AGXT2: variants seen among roughly 807,000 people sequenced by gnomAD.
AGXT2 encodes the protein alanine--glyoxylate aminotransferase 2.
In AGXT2, 61 loss-of-function variants were observed where a neutral mutation model predicts 62.5. That is an observed-to-expected ratio of 0.98 (90% confidence interval 0.79 to 1.21). The LOEUF is 1.21. AGXT2 is among the 50% of genes most tolerant of loss of function. AGXT2 has a pLI of 0.00. For missense variants in AGXT2, 666 were observed against 641.5 expected (o/e 1.04, Z -0.41); for synonymous variants, 243 against 218.7 (o/e 1.11, Z -0.98).
intron 7 of AGXT2, among the ~76,000 whole-genome samples, chr5:35,030,318 G>A (rs907696627): frequency 3.9e-5 from 6 of 152,194 alleles, no homozygotes; most frequent in Non-Finnish European, 8.8e-5. Flanking sequence ...GACCAGCCTG[G>A]CCAACATGGT....
At chr5:35,023,166 AAAAAAAAAAAG>A (rs1767179486) in intron 9 of AGXT2, among the ~76,000 whole-genome samples, 3 of 37,332 alleles carry the variant, frequency 8.0e-5, no homozygotes, top group Non-Finnish European at 4.5e-4. Context: ...TGGCAGATGT[AAAAAAAAAAAG>A]AAAAAAGAAA....
At chr5:35,027,810 G>T (rs1767415946) in intron 7 of AGXT2, among the ~76,000 whole-genome samples, 1 of 149,700 alleles carries the variant, frequency 6.7e-6, no homozygotes. Flanking sequence ...ATGAGCTTGA[G>T]GAAGTGAGCG....
chr5:35,000,341 C>A (rs1231562951), intron 13 of AGXT2, among the ~76,000 whole-genome samples: 1 of 152,100 alleles, frequency 6.6e-6, no homozygotes, highest in African/African-American at 2.4e-5. Context: ...TCTACCTGGG[C>A]AGCTTTTTCC....
At chr5:35,046,498 C>T (rs1329635845) in intron 1 of AGXT2, among the ~76,000 whole-genome samples, 10 of 152,158 alleles carry the variant, frequency 6.6e-5, no homozygotes, top group Admixed American at 6.6e-4. Context: ...GGCTTTGAAT[C>T]CCAAGTTATC....
chr5:34,999,758 C>T (rs932724048), intron 13 of AGXT2, among the ~76,000 whole-genome samples: 21 of 152,168 alleles, frequency 1.4e-4, no homozygotes, highest in Admixed American at 4.6e-4. Context: ...GAAGCTGCCA[C>T]GCAAGACAAA....
chr5:35,041,012 CCT>C (rs1579514360), intron 1 of AGXT2, among the ~76,000 whole-genome samples: 2 of 151,852 alleles, frequency 1.3e-5, no homozygotes, highest in East Asian at 3.9e-4. Flanking sequence ...GAGTCCATCC[CCT>C]GTTAATAGAG....
chr5:35,039,258 C>A, intron 3 of AGXT2, 66 bp downstream of exon 3: 1 of 1,537,940 alleles, frequency 6.5e-7, no homozygotes, highest in South Asian at 1.1e-5. Context: ...AGTTCAGAGT[C>A]ACTAACATAA....
intron 13 of AGXT2, among the ~76,000 whole-genome samples, chr5:34,999,566 C>T (rs1002653082): frequency 2.0e-5 from 3 of 152,160 alleles, no homozygotes; most frequent in African/African-American, 7.2e-5. Flanking sequence ...CACAGCTAGG[C>T]TGAGTGATGC....
At chr5:35,000,761 T>A (rs925677421) in intron 13 of AGXT2, among the ~76,000 whole-genome samples, 1 of 152,250 alleles carries the variant, frequency 6.6e-6, no homozygotes, top group Admixed American at 6.5e-5. Context: ...TTAGACTTCC[T>A]GGGAGATTTC....
intron 9 of AGXT2, among the ~76,000 whole-genome samples, chr5:35,024,153 A>C (rs180762): frequency 0.45 from 69,081 of 151,950 alleles, 16,077 homozygotes; most frequent in African/African-American, 0.53. Context: ...TCAGCATCCC[A>C]AAGTGCTGGG....
chr5:35,022,382 A>C (rs1398247742), intron 9 of AGXT2, among the ~76,000 whole-genome samples: 1 of 152,146 alleles, frequency 6.6e-6, no homozygotes, highest in East Asian at 1.9e-4. Flanking sequence ...ACCATGGAAT[A>C]CTATGCAGCC....
chr5:35,002,072 A>G (rs1766246209), intron 13 of AGXT2, among the ~76,000 whole-genome samples: 1 of 152,150 alleles, frequency 6.6e-6, no homozygotes, highest in African/African-American at 2.4e-5. Context: ...GCACATAACA[A>G]ATTTTGCCAA....
intron 12 of AGXT2, 111 bp downstream of exon 12, chr5:35,009,889 G>T: frequency 7.0e-7 from 1 of 1,435,104 alleles, no homozygotes; most frequent in Non-Finnish European, 9.7e-7. Context: ...CTGAAATCTT[G>T]CTGTTTGTGT....
At chr5:35,028,242 T>C (rs1767433097) in intron 7 of AGXT2, among the ~76,000 whole-genome samples, 2 of 152,312 alleles carry the variant, frequency 1.3e-5, no homozygotes, top group South Asian at 4.1e-4. Context: ...CATTTCATTT[T>C]ATCCAGGATT....
rs537993203 is a variant in AGXT2 at position 35,003,644 on chromosome 5, T to C, written c.1437+119A>G. On this transcript the variant is annotated intron_variant, in intron 13 of 13. Transcript: ENST00000231420. ...GTGGCTGGGTACCTCGGCACAGTTGTGTAAAAACTGCAACCAGCATTAGGA... is the reference window on the plus strand; with the variant it reads ...GTGGCTGGGTACCTCGGCACAGTTGCGTAAAAACTGCAACCAGCATTAGGA... 2.2e-5 allele frequency: 22 copies of C among 980,832 alleles called. No individual in the cohort carries two copies. The South Asian group carries it at 2.9e-4, about 13-fold the overall frequency. The allele number at this position is 980,832 out of a possible 1,614,324, so 60.8% of individuals were successfully genotyped here. A position where few individuals can be genotyped will look rare whatever the true frequency, so the allele number is the denominator to read the frequency against.
chr5:35,039,568 A>G (rs1767905794), intron 2 of AGXT2, 60 bp from the exon 3 acceptor site: 2 of 1,565,250 alleles, frequency 1.3e-6, no homozygotes, highest in Admixed American at 3.4e-5. Flanking sequence ...CAGTCAATCT[A>G]TGAGTAACAG....
chr5:35,017,964 A>G (rs1419791390), intron 9 of AGXT2, among the ~76,000 whole-genome samples: 1 of 152,340 alleles, frequency 6.6e-6, no homozygotes, highest in East Asian at 1.9e-4. Flanking sequence ...ACTGGAAGAA[A>G]GGGTATCAGC....
intron 9 of AGXT2, among the ~76,000 whole-genome samples, chr5:35,017,705 G>A (rs925470652): frequency 6.6e-6 from 1 of 152,300 alleles, no homozygotes; most frequent in East Asian, 1.9e-4. Context: ...CACCAGTAAC[G>A]GAACAAAGCT....
chr5:35,009,961 C>A, intron 12 of AGXT2, 39 bp downstream of exon 12: 1 of 1,613,704 alleles, frequency 6.2e-7, no homozygotes, highest in Non-Finnish European at 8.5e-7. Flanking sequence ...CTCCTGCTGG[C>A]TCCAAGCAGC....
Sources: allele counts gnomAD v4.1 joint callset (sites outside exome capture counted in the v4.1 genomes callset), GRCh38; gene constraint gnomAD v4.1.1; transcripts MANE v1.5; gene names NCBI Gene and HGNC (gene_info 2026-07-23, HGNC 2026-07-21).